Variants in GNB4 observed in about 807,000 individuals in gnomAD.
GNB4 encodes G protein subunit beta 4, also known as guanine nucleotide-binding protein subunit beta-4.
In GNB4, 28 loss-of-function variants were observed where a neutral mutation model predicts 45.2. The ratio of observed to expected loss-of-function variants is 0.62; its 90% CI spans 0.46 to 0.85. GNB4 has a LOEUF of 0.85. GNB4 is among the 40% of genes least tolerant of loss of function. The probability of loss-of-function intolerance (pLI) is 0.00; values close to 1 mark genes in which losing one functional copy is unlikely to be tolerated. For missense variants in GNB4, 321 were observed against 425.4 expected (o/e 0.75, Z 2.16); for synonymous variants, 132 against 143.7 (o/e 0.92, Z 0.58).
intron 9 of GNB4, among the ~76,000 whole-genome samples, chr3:179,402,654 C>T (rs184819595): frequency 2.6e-5 from 4 of 152,294 alleles, no homozygotes; most frequent in African/African-American, 9.6e-5. Context: ...ATGGTGGCAA[C>T]TGTGTTAATG....
At chr3:179,464,036 C>T in the GNB4 span, among the ~76,000 whole-genome samples, 3 of 152,184 alleles carry the variant, frequency 2.0e-5, no homozygotes, top group African/African-American at 7.2e-5. Flanking sequence ...TGTTACTTCA[C>T]TTGATTGTGG....
the GNB4 span, among the ~76,000 whole-genome samples, chr3:179,481,717 T>C: frequency 6.6e-6 from 1 of 152,144 alleles, no homozygotes; most frequent in Admixed American, 6.5e-5. Context: ...ATTAATAAAT[T>C]GATGCACTGT....
At chr3:179,473,066 G>A in the GNB4 span, among the ~76,000 whole-genome samples, 3 of 152,186 alleles carry the variant, frequency 2.0e-5, no homozygotes, top group Non-Finnish European at 2.9e-5. Flanking sequence ...GGGAGGCTGA[G>A]GCAGGAGAAT....
intron 1 of GNB4, among the ~76,000 whole-genome samples, chr3:179,450,222 G>C (rs1715833560): frequency 6.6e-6 from 1 of 152,102 alleles, no homozygotes; most frequent in South Asian, 2.1e-4. Flanking sequence ...TCAGAGCCTA[G>C]GATCAGTAGT....
At chr3:179,464,522 G>A in the GNB4 span, 3 of 1,611,824 alleles carry the variant, frequency 1.9e-6, no homozygotes, top group African/African-American at 1.3e-5. Context: ...AGGTAGAAGA[G>A]TGGGTGGCCT....
intron 1 of GNB4, among the ~76,000 whole-genome samples, chr3:179,449,547 T>A (rs535613058): frequency 7.2e-5 from 11 of 152,322 alleles, no homozygotes; most frequent in African/African-American, 2.6e-4. Flanking sequence ...GGGGTCTTGC[T>A]TCGAATCCCA....
chr3:179,513,766 A>C, the GNB4 span, among the ~76,000 whole-genome samples: 11 of 152,194 alleles, frequency 7.2e-5, no homozygotes, highest in African/African-American at 2.7e-4. Context: ...TTATTTAAAA[A>C]GTTATTGCAT....
intron 5 of GNB4, 59 bp from the exon 6 acceptor site, chr3:179,415,106 C>G: frequency 7.6e-7 from 1 of 1,308,010 alleles, no homozygotes; most frequent in Middle Eastern, 2.0e-4. Context: ...ATTGCATAAA[C>G]CCATTTACAA....
chr3:179,445,501 G>T (rs939308242), intron 1 of GNB4, among the ~76,000 whole-genome samples: 8 of 152,110 alleles, frequency 5.3e-5, no homozygotes, highest in African/African-American at 1.9e-4. Context: ...GCCCAGGCTG[G>T]TCTTAAACTC....
At chr3:179,485,071 A>G in the GNB4 span, among the ~76,000 whole-genome samples, 9 of 136,754 alleles carry the variant, frequency 6.6e-5, no homozygotes, top group Admixed American at 5.6e-4. Context: ...AGTGCAGTGG[A>G]ACAATCTCTG....
the GNB4 span, among the ~76,000 whole-genome samples, chr3:179,474,200 T>A: frequency 2.0e-5 from 3 of 152,106 alleles, no homozygotes; most frequent in African/African-American, 7.2e-5. Flanking sequence ...AAAAGATAAA[T>A]AATAATAATA....
chr3:179,465,727 T>G, the GNB4 span, among the ~76,000 whole-genome samples: 1 of 152,112 alleles, frequency 6.6e-6, no homozygotes, highest in African/African-American at 2.4e-5. Context: ...AGTTTTTTTC[T>G]TATTTAATCA....
At chr3:179,497,211 G>T in the GNB4 span, among the ~76,000 whole-genome samples, 11 of 151,962 alleles carry the variant, frequency 7.2e-5, no homozygotes, top group African/African-American at 2.7e-4. Context: ...CTCTTACATC[G>T]TCATCTAGTC....
the GNB4 span, among the ~76,000 whole-genome samples, chr3:179,494,907 CAA>C: frequency 9.0e-3 from 306 of 33,878 alleles, no homozygotes; most frequent in African/African-American, 0.034. Context: ...GACTCTGTCT[CAA>C]AAAAAAAAAA....
At chr3:179,425,096 CT>C (rs1368649724) in intron 2 of GNB4, among the ~76,000 whole-genome samples, 1 of 152,222 alleles carries the variant, frequency 6.6e-6, no homozygotes, top group Non-Finnish European at 1.5e-5. Flanking sequence ...CTCAAAGCCT[CT>C]TTCCTCCACC....
At chr3:179,480,571 T>A in the GNB4 span, among the ~76,000 whole-genome samples, 1 of 152,080 alleles carries the variant, frequency 6.6e-6, no homozygotes, top group African/African-American at 2.4e-5. Flanking sequence ...GCACAGCTCT[T>A]ATGTCATAGG....
chr3:179,415,369 A>C (rs562153133), intron 5 of GNB4, among the ~76,000 whole-genome samples: 14 of 152,362 alleles, frequency 9.2e-5, no homozygotes, highest in African/African-American at 2.9e-4. Context: ...AAAATGTTAG[A>C]GGTTTTAATA....
chr3:179,499,163 T>C, the GNB4 span, among the ~76,000 whole-genome samples: 20 of 147,176 alleles, frequency 1.4e-4, no homozygotes, highest in East Asian at 3.0e-3. Context: ...TTCTTTTTTT[T>C]TTTTTTTTTT....
chr3:179,421,046 T>A (rs921354309), intron 2 of GNB4, 119 bp from the exon 3 acceptor site: 10 of 623,594 alleles, frequency 1.6e-5, no homozygotes, highest in East Asian at 5.8e-5. Flanking sequence ...TCTTTAAAAA[T>A]TTTTTTAATT....
Sources: allele counts gnomAD v4.1 joint callset (sites outside exome capture counted in the v4.1 genomes callset), GRCh38; gene constraint gnomAD v4.1.1; transcripts MANE v1.5; gene names NCBI Gene and HGNC (gene_info 2026-07-23, HGNC 2026-07-21).